Variants in SART3 observed in about 807,000 individuals in gnomAD.
SART3 encodes spliceosome associated factor 3, U4/U6 recycling protein, also known as HIV-1 Tat-interacting protein of 110kDa.
SART3 carries 44 observed loss-of-function variants against 122.3 expected under a neutral mutation model. That is an observed-to-expected ratio of 0.36 (90% CI 0.28 to 0.46). The LOEUF is 0.46. Among genes scored for constraint, SART3 ranks in the 20% least tolerant of loss-of-function variants. The pLI, the probability that SART3 is intolerant of heterozygous loss-of-function variation, is 1.00. For missense variants in SART3, 1,101 were observed against 1,229.0 expected, an observed-to-expected ratio of 0.90 and a Z score of 1.56; for synonymous variants, 442 against 454.0, an observed-to-expected ratio of 0.97 and a Z score of 0.34.
chr12:108,550,335 TCTC>T (rs1050159599), intron 1 of SART3, among the ~76,000 whole-genome samples: 11 of 152,120 alleles, frequency 7.2e-5, no homozygotes, highest in Admixed American at 2.6e-4. Context: ...ATTATCCTCC[TCTC>T]CTCATGAGCT....
At chr12:108,538,417 C>G (rs937664241) in intron 7 of SART3, among the ~76,000 whole-genome samples, 2 of 152,140 alleles carry the variant, frequency 1.3e-5, no homozygotes, top group African/African-American at 4.8e-5. Context: ...AAGACGTCAG[C>G]CAACCCTACT....
At chr12:108,551,952 C>A (rs577327812) in intron 1 of SART3, among the ~76,000 whole-genome samples, 1 of 151,486 alleles carries the variant, frequency 6.6e-6, no homozygotes, top group South Asian at 2.1e-4. Flanking sequence ...TAAAACAGTA[C>A]GGAGGAAAAT....
At chr12:108,557,206 G>GTTTTTTTTTTTTTTTT (rs71076787) in intron 1 of SART3, among the ~76,000 whole-genome samples, 1 of 82,930 alleles carries the variant, frequency 1.2e-5, no homozygotes, top group African/African-American at 5.4e-5. Context: ...TAATGACATA[G>GTTTTTTTTTTTTTTTT]TTTTTTTTTT....
intron 1 of SART3, among the ~76,000 whole-genome samples, chr12:108,559,866 T>G (rs2136702193): frequency 6.6e-6 from 1 of 151,844 alleles, no homozygotes; most frequent in South Asian, 2.1e-4. Flanking sequence ...GAAAGAGAGG[T>G]CAGGGTATTT....
chr12:108,560,210 G>A (rs1023432890), intron 1 of SART3: 1 of 152,500 alleles, frequency 6.6e-6, no homozygotes, highest in Non-Finnish European at 1.5e-5. Context: ...TAGGCACTGA[G>A]CTATAGTTAC....
In SART3 at chr12:108,561,047, C is replaced by T. The variant is rs1063936; in HGVS notation, c.108G>A (p.Arg36=). Residue 36 remains arginine, a synonymous_variant, in exon 1 of 19, where the codon AGG becomes AGA. Transcript: ENST00000546815. ...CGGCCACAGCCCGCGATAACACCTT[C>T]CTCCTTGTCCTAGCCGCCTTAACCT... ...EDEVKAARTR[R]KVLSRAVAAA... The T allele has an allele frequency of 0.82, 1,325,987 of 1,613,754 alleles. 549,973 individuals carry two copies. The highest frequency in any genetic ancestry group is 0.93 in the East Asian group (41,604 of 44,866).
chr12:108,529,994 T>C, intron 15 of SART3, 148 bp downstream of exon 15: 2 of 938,228 alleles, frequency 2.1e-6, no homozygotes, highest in Non-Finnish European at 3.4e-6. Context: ...AGAGGGCCCC[T>C]TGTTTGCAAG....
chr12:108,530,075 C>G (rs1467182513), intron 15 of SART3, 67 bp downstream of exon 15: 19 of 1,565,228 alleles, frequency 1.2e-5, no homozygotes, highest in Non-Finnish European at 1.6e-5. Flanking sequence ...GAAAGTTCTT[C>G]ATACTGTATT....
At chr12:108,549,962 G>A (rs995775633) in intron 1 of SART3, among the ~76,000 whole-genome samples, 14 of 142,086 alleles carry the variant, frequency 9.9e-5, no homozygotes, top group African/African-American at 3.7e-4. Flanking sequence ...GCAGCGAGCC[G>A]AGACCACACC....
At position 108,539,066 on chromosome 12, in the gene SART3, C is replaced by T. The variant is rs1251049699; in HGVS notation, c.930G>A (p.Leu310=). Residue 310 remains leucine, a synonymous_variant, in exon 7 of 19, where the codon CTG becomes CTA. Transcript: ENST00000546815. The part of the protein sequence containing the change: ...EALLQAEAPR[L]AEYQAYIDFE... The stretch of plus-strand genomic sequence containing the variant: ...AATCGATATATGCTTGATATTCTGC[C>T]AGCCTTGGTGCCTCTGCCTGCAACT... The T allele has an allele frequency of 1.2e-6, 2 of 1,614,168 alleles. No individual in the cohort carries two copies. The highest frequency in any genetic ancestry group is 8.5e-7 in the Non-Finnish European group (1 of 1,180,036).
At chr12:108,540,910 C>T (rs540008020) in intron 6 of SART3, among the ~76,000 whole-genome samples, 12 of 152,274 alleles carry the variant, frequency 7.9e-5, no homozygotes, top group Admixed American at 3.9e-4. Flanking sequence ...TGAAACCAGA[C>T]GCAGTCTCAT....
chr12:108,535,374 T>C lies in SART3; in HGVS notation c.1541A>G (p.Tyr514Cys). ...NAKYANMWLEYYNLERAHGDT... is the reference protein window; with the variant it reads ...NAKYANMWLECYNLERAHGDT... ...GATCAGTTACCTTTCCAGGTTGTAA[T>C]ACTCTAGCCACATGTTGGCGTACTT... is the stretch of plus-strand genomic sequence containing the variant. Residue 514 changes from tyrosine (Y) to cysteine (C), a missense_variant, in exon 12 of 19, where the codon TAT becomes TGT. Transcript: ENST00000546815. 1.2e-6 allele frequency: 2 copies of C among 1,613,954 alleles called. No homozygotes were observed. Among genetic ancestry groups the C allele is most frequent in the Non-Finnish European group, 1.7e-6 (2 of 1,179,892 alleles).
intron 15 of SART3, among the ~76,000 whole-genome samples, chr12:108,528,482 CA>C (rs398039961): frequency 0.053 from 5,215 of 98,436 alleles, 351 homozygotes; most frequent in African/African-American, 0.2. Context: ...GACTCCCTCT[CA>C]AAAAAAAAAA....
chr12:108,549,849 C>G (rs2029929974), intron 1 of SART3, among the ~76,000 whole-genome samples: 1 of 151,810 alleles, frequency 6.6e-6, no homozygotes, highest in Non-Finnish European at 1.5e-5. Context: ...AACCCTATCT[C>G]TACCAAAAAT....
intron 15 of SART3, among the ~76,000 whole-genome samples, chr12:108,526,950 C>G (rs757003252): frequency 1.3e-5 from 2 of 152,206 alleles, no homozygotes; most frequent in Non-Finnish European, 2.9e-5. Flanking sequence ...GACTGATACC[C>G]GTGCCCCAGG....
chr12:108,561,106 T>A lies in SART3; in HGVS notation c.49A>T (p.Lys17Ter). 1 of 1,613,998 alleles carries A rather than the reference T, an allele frequency of 6.2e-7. No homozygotes were observed. The highest frequency in any genetic ancestry group is 8.5e-7 in the Non-Finnish European group (1 of 1,179,848). The change falls in exon 1 of 19, where the codon AAG (lysine) becomes TAG (stop). Residue 17 changes from lysine to a stop codon, truncating the protein, a stop_gained. Coordinates refer to ENST00000546815, the MANE Select transcript of SART3 (RefSeq NM_014706.4). LOFTEE classifies it high-confidence loss of function. Reference sequence around the variant, plus strand: ...TCTCCGTCAGCCTTGGGCCCAGCCTTGGACTCAGCCTCGGGTTCTGAAGCC... The same window carrying A: ...TCTCCGTCAGCCTTGGGCCCAGCCTAGGACTCAGCCTCGGGTTCTGAAGCC... ...TSASEPEAES[K>*]AGPKADGEED...
chr12:108,537,780 G>GA (rs1341487178), intron 8 of SART3, 185 bp from the exon 9 acceptor site: 7 of 669,806 alleles, frequency 1.0e-5, no homozygotes, highest in Non-Finnish European at 1.8e-5. Context: ...CTGTGTTCTA[G>GA]AAAAAACTTC....
At chr12:108,532,853 A>G (rs1872742898) in intron 12 of SART3, among the ~76,000 whole-genome samples, 2 of 151,918 alleles carry the variant, frequency 1.3e-5, no homozygotes, top group South Asian at 4.2e-4. Context: ...TCCCAGGTTC[A>G]GGCAATTCTC....
intron 4 of SART3, 184 bp from the exon 5 acceptor site, chr12:108,544,662 C>T (rs1873320838): frequency 1.3e-5 from 10 of 770,922 alleles, no homozygotes; most frequent in Non-Finnish European, 2.0e-5. Flanking sequence ...ACACTCCAGG[C>T]TCATGCAATC....
Sources: allele counts gnomAD v4.1 joint callset (sites outside exome capture counted in the v4.1 genomes callset), GRCh38; gene constraint gnomAD v4.1.1; transcripts MANE v1.5; gene names NCBI Gene and HGNC (gene_info 2026-07-23, HGNC 2026-07-21).